APBB2: variants seen among roughly 807,000 people sequenced by gnomAD.
The protein encoded by APBB2 is Fe65-like 1.
In APBB2, 38 loss-of-function variants were observed where a neutral mutation model predicts 82.5. The observed-to-expected ratio is 0.46, with a 90% confidence interval of 0.36 to 0.60. The LOEUF (loss-of-function observed/expected upper bound fraction) is 0.60. Among genes scored for constraint, APBB2 ranks in the 20% least tolerant of loss-of-function variants. APBB2 has a pLI of 0.00. For synonymous variants in APBB2, 341 were observed against 368.2 expected (o/e 0.93, Z 0.85); for missense variants, 772 against 972.3 (o/e 0.79, Z 2.74).
intron 12 of APBB2, among the ~76,000 whole-genome samples, chr4:40,860,937 C>T (rs1238091723): frequency 6.6e-6 from 1 of 152,214 alleles, no homozygotes; most frequent in African/African-American, 2.4e-5. Flanking sequence ...TTCCCGAGGG[C>T]TCGTCACCCT....
chr4:41,169,448 C>T (rs1767647654), intron 1 of APBB2, among the ~76,000 whole-genome samples: 1 of 152,164 alleles, frequency 6.6e-6, no homozygotes, highest in Non-Finnish European at 1.5e-5. Flanking sequence ...TTCCTTCAAA[C>T]AATGAACCCA....
At chr4:41,010,737 G>A (rs538806381) in intron 6 of APBB2, among the ~76,000 whole-genome samples, 4 of 152,246 alleles carry the variant, frequency 2.6e-5, no homozygotes, top group African/African-American at 9.6e-5. Context: ...TAAAAAGACT[G>A]ACGTAGAAAA....
chr4:40,961,665 TGTAAA>T (rs1793262298), intron 6 of APBB2, among the ~76,000 whole-genome samples: 2 of 4,222 alleles, frequency 4.7e-4, no homozygotes, highest in Non-Finnish European at 9.6e-4. Context: ...AAAAAAAAGA[TGTAAA>T]AAAAAAAAAA....
intron 2 of APBB2, chr4:41,118,053 C>A (rs9291325): frequency 0.27 from 39,706 of 145,136 alleles, 5,361 homozygotes; most frequent in African/African-American, 0.32. Context: ...CAAAACAAAA[C>A]AAAAAAAAAA....
chr4:41,162,235 A>G (rs986061852), intron 1 of APBB2, among the ~76,000 whole-genome samples: 4 of 149,876 alleles, frequency 2.7e-5, no homozygotes, highest in African/African-American at 7.4e-5. Flanking sequence ...TCGAATCACA[A>G]TCTATACATA....
intron 10 of APBB2, among the ~76,000 whole-genome samples, chr4:40,916,369 CAAG>C (rs1010563003): frequency 3.1e-4 from 47 of 152,164 alleles, no homozygotes; most frequent in African/African-American, 1.1e-3. Context: ...CTTCTGCTCA[CAAG>C]AAGGCAAAAA....
Position 41,033,281 on chromosome 4 carries a change from A to G in APBB2, c.-27T>C. The G allele has an allele frequency of 1.3e-6, 2 of 1,593,858 alleles. No homozygotes were observed. The highest frequency in any genetic ancestry group is 4.5e-5 in the East Asian group (2 of 44,544). On this transcript the variant is annotated 5_prime_UTR_variant, in exon 5 of 18. Coordinates refer to ENST00000508593, the MANE Select transcript of APBB2 (RefSeq NM_004307.2). ...GATCACCAGGCGTCAGCAATGGTGC[A>G]GGAAATAGGTTATAATTTGAAATCT...
At chr4:40,937,843 AAG>A (rs2154376960) in intron 7 of APBB2, among the ~76,000 whole-genome samples, 1 of 152,338 alleles carries the variant, frequency 6.6e-6, no homozygotes, top group South Asian at 2.1e-4. Context: ...TTTAATTAAG[AAG>A]AGAGAATATT....
At chr4:40,838,449 C>T (rs1440551470) in intron 12 of APBB2, among the ~76,000 whole-genome samples, 2 of 150,996 alleles carry the variant, frequency 1.3e-5, no homozygotes, top group African/African-American at 2.4e-5. Context: ...AATTCTCCTG[C>T]CTCAGCCTCC....
intron 12 of APBB2, among the ~76,000 whole-genome samples, chr4:40,887,353 C>T (rs1032071436): frequency 2.0e-5 from 3 of 152,216 alleles, no homozygotes; most frequent in African/African-American, 7.2e-5. Context: ...GTATAATACA[C>T]ACTTCTCTTA....
intron 3 of APBB2, among the ~76,000 whole-genome samples, chr4:41,076,702 AT>A (rs1180371193): frequency 2.6e-5 from 4 of 152,246 alleles, no homozygotes; most frequent in African/African-American, 9.6e-5. Flanking sequence ...AGATGACAAG[AT>A]GAACACCAAG....
intron 10 of APBB2, among the ~76,000 whole-genome samples, chr4:40,894,204 CG>C (rs1772981186): frequency 6.6e-6 from 1 of 151,626 alleles, no homozygotes; most frequent in South Asian, 2.1e-4. Flanking sequence ...AGAAGAATGG[CG>C]TGAACCCGGA....
chr4:40,825,583 G>C (rs1453745529), intron 15 of APBB2, among the ~76,000 whole-genome samples: 1 of 152,246 alleles, frequency 6.6e-6, no homozygotes, highest in Non-Finnish European at 1.5e-5. Context: ...CCTCGTTTCA[G>C]AGCAGCGGAG....
chr4:41,067,482 G>A (rs571214948), intron 3 of APBB2, among the ~76,000 whole-genome samples: 13 of 151,904 alleles, frequency 8.6e-5, no homozygotes, highest in African/African-American at 2.4e-4. Context: ...ATTCTTGAGC[G>A]TAAAGCCTGG....
chr4:40,886,660 T>G (rs1032176360), intron 12 of APBB2, among the ~76,000 whole-genome samples: 1 of 152,050 alleles, frequency 6.6e-6, no homozygotes, highest in Non-Finnish European at 1.5e-5. Flanking sequence ...TTTGAGACAG[T>G]AGCCTGGCAG....
At chr4:40,935,186 G>T in intron 7 of APBB2, 47 bp from the exon 8 acceptor site, 4 of 1,157,694 alleles carry the variant, frequency 3.5e-6, no homozygotes, top group Non-Finnish European at 3.5e-6. Context: ...TTGATTTAAA[G>T]AAAAAGAAAA....
intron 17 of APBB2, among the ~76,000 whole-genome samples, chr4:40,819,739 G>C (rs897854567): frequency 6.6e-6 from 1 of 152,154 alleles, no homozygotes; most frequent in Non-Finnish European, 1.5e-5. Flanking sequence ...AACTTTGTAA[G>C]TTATCTGCTT....
At chr4:40,863,963 T>C in intron 12 of APBB2, among the ~76,000 whole-genome samples, 1 of 149,778 alleles carries the variant, frequency 6.7e-6, no homozygotes, top group Non-Finnish European at 1.5e-5. Context: ...CAACTTCTTT[T>C]AAAGCACCAT....
intron 10 of APBB2, among the ~76,000 whole-genome samples, chr4:40,919,767 A>G (rs1780776927): frequency 6.6e-6 from 1 of 152,228 alleles, no homozygotes; most frequent in Non-Finnish European, 1.5e-5. Flanking sequence ...TAGGCTGTAG[A>G]TTATCAAAGC....
Sources: gnomAD v4.1 joint callset for allele counts (sites outside exome capture counted in the v4.1 genomes callset) on GRCh38, gnomAD v4.1.1 for gene constraint, MANE v1.5 for transcripts, NCBI Gene and HGNC (gene_info 2026-07-23, HGNC 2026-07-21) for gene names.